Variants in FSCN2 observed in about 807,000 individuals in gnomAD.
FSCN2 encodes the protein fascin-2.
A neutral mutation model predicts 37.8 loss-of-function variants in FSCN2; 46 were observed. That is an observed-to-expected ratio of 1.22 (90% CI 0.96 to 1.56). The LOEUF (loss-of-function observed/expected upper bound fraction) is 1.56. FSCN2 is among the 40% of genes most tolerant of loss of function. FSCN2 has a pLI of 0.00. For missense variants in FSCN2, 844 were observed against 730.4 expected (o/e 1.16, Z -1.79); for synonymous variants, 351 against 309.4 (o/e 1.13, Z -1.41).
intron 1 of FSCN2, chr17:81,529,561 AG>A (rs782392332): frequency 4.0e-6 from 3 of 758,332 alleles, no homozygotes; most frequent in East Asian, 2.5e-5. Context: ...ACCCCCACTG[AG>A]GGGTGGTGGC....
At chr17:81,534,626 G>T (rs2032791351) in intron 1 of FSCN2, among the ~76,000 whole-genome samples, 2 of 151,912 alleles carry the variant, frequency 1.3e-5, no homozygotes, top group South Asian at 4.2e-4. Flanking sequence ...GGAGCCCAGG[G>T]GTGCCCCATC....
At chr17:81,529,544 C>A in intron 1 of FSCN2, 187 bp downstream of exon 1, 1 of 762,216 alleles carries the variant, frequency 1.3e-6, no homozygotes, top group Non-Finnish European at 2.4e-6. Context: ...CGGGCCATGC[C>A]CAGGCGACCC....
In FSCN2 at chr17:81,532,535, AGTGATGGTGGTGATG is replaced by A. The variant is rs1424919372; in HGVS notation, c.827-2486_827-2472del. ...TGGTGACGATGGTGATGATGATGAT[AGTGATGGTGGTGATG>A]GTGATGGTGGTGATGGTGATGGTGG... On this transcript the variant is annotated intron_variant, in intron 1 of 4. Coordinates refer to ENST00000417245, the MANE Select transcript of FSCN2 (RefSeq NM_012418.4). 8.3e-3 allele frequency among the ~76,000 whole-genome samples: 295 copies of A among 35,648 alleles called. 2 individuals carry two copies. The highest frequency in any genetic ancestry group is 0.027 in the African/African-American group (251 of 9,348). The allele number at this position is 35,648 out of a possible 152,430, so 23.4% of individuals were successfully genotyped here.
chr17:81,529,075 C>T lies in FSCN2; in HGVS notation c.544C>T (p.Arg182Ter), dbSNP rs782341260. ...DALLTLIFRSRRYCLKSCDSR... is the reference protein window; with the variant it reads ...DALLTLIFRS ...CCTCCTCACCCTCATCTTCCGGAGC[C>T]GACGGTACTGCCTCAAGTCCTGTGA... Residue 182 changes from arginine to a stop codon, truncating the protein, a stop_gained, in exon 1 of 5, where the codon CGA becomes TGA. Transcript: ENST00000417245. LOFTEE classifies it high-confidence loss of function. The T allele has an allele frequency of 5.3e-5, 85 of 1,590,470 alleles. No homozygotes were observed. The highest frequency in any genetic ancestry group is 3.3e-4 in the Admixed American group (19 of 57,130).
chr17:81,532,449 G>GTGATGATGA (rs769825201), intron 1 of FSCN2, among the ~76,000 whole-genome samples: 1 of 66,856 alleles, frequency 1.5e-5, no homozygotes, highest in African/African-American at 5.0e-5. Flanking sequence ...GATGATGATG[G>GTGATGATGA]TGATGGTGGT....
chr17:81,536,005 G>C (rs1271589376), intron 2 of FSCN2, 141 bp from the exon 3 acceptor site: 2 of 1,034,774 alleles, frequency 1.9e-6, no homozygotes, highest in Non-Finnish European at 2.8e-6. Context: ...CACTGGGGCA[G>C]GGTAGCGCCT....
chr17:81,531,243 A>ATGG (rs1555671221), intron 1 of FSCN2, among the ~76,000 whole-genome samples: 2,600 of 66,106 alleles, frequency 0.039, 463 homozygotes, highest in African/African-American at 0.14. Context: ...GATGGTGGTG[A>ATGG]TGATGGTGAT....
chr17:81,529,404 C>T, intron 1 of FSCN2, 47 bp downstream of exon 1: 2 of 1,407,572 alleles, frequency 1.4e-6, no homozygotes, highest in East Asian at 2.4e-5. Flanking sequence ...CTGGGACCCC[C>T]CTGCTTCAGG....
At chr17:81,526,521 C>A (rs2032357315), upstream of FSCN2, among the ~76,000 whole-genome samples, 1 of 152,170 alleles carries the variant, frequency 6.6e-6, no homozygotes, top group Non-Finnish European at 1.5e-5. Flanking sequence ...ATCCCAGCTA[C>A]TTGGGAGGCT....
At chr17:81,526,603 G>A (rs1598566297), upstream of FSCN2, among the ~76,000 whole-genome samples, 1 of 152,366 alleles carries the variant, frequency 6.6e-6, no homozygotes, top group East Asian at 1.9e-4. Context: ...CAGTTTGGGT[G>A]AGGAGCGAGA....
chr17:81,524,334 A>G (rs1261078760), upstream of FSCN2, among the ~76,000 whole-genome samples: 1 of 152,024 alleles, frequency 6.6e-6, no homozygotes, highest in Non-Finnish European at 1.5e-5. Context: ...TGCTCCCTGG[A>G]CCAGGGGGCT....
At chr17:81,536,426 G>T in intron 3 of FSCN2, 159 bp downstream of exon 3, 1 of 1,456,714 alleles carries the variant, frequency 6.9e-7, no homozygotes, top group South Asian at 1.3e-5. Context: ...AACTCGTCTT[G>T]GCAAGGGAAA....
At chr17:81,517,404 G>T in the FSCN2 span, among the ~76,000 whole-genome samples, 1 of 152,208 alleles carries the variant, frequency 6.6e-6, no homozygotes, top group South Asian at 2.1e-4. Context: ...CCCATCAGGG[G>T]CTCTGAGGCT....
chr17:81,532,596 G>A (rs1286420640), intron 1 of FSCN2, among the ~76,000 whole-genome samples: 12 of 145,212 alleles, frequency 8.3e-5, no homozygotes, highest in African/African-American at 3.2e-4. Context: ...GATGGTGATG[G>A]TGATGATGGT....
rs782561252 is a variant in FSCN2, at chr17:81,528,899, C to T, written c.368C>T (p.Thr123Ile). 77 of 1,582,908 alleles carry T rather than the reference C, an allele frequency of 4.9e-5. No individual in the cohort carries two copies. The highest frequency in any genetic ancestry group is 9.4e-5 in the African/African-American group (7 of 74,344). Residue 123 changes from threonine to isoleucine, a missense_variant, in exon 1 of 5, where the codon ACA becomes ATA. Coordinates refer to ENST00000417245, the MANE Select transcript of FSCN2 (RefSeq NM_012418.4). Reference protein sequence around the residue: ...GTEDQLSCFATAVSPAELWTV... With the variant: ...GTEDQLSCFAIAVSPAELWTV... ...GAGGACCAGCTGTCCTGCTTCGCCA[C>T]AGCCGTTTCCCCGGCCGAGCTGTGG... is the stretch of plus-strand genomic sequence containing the variant.
At chr17:81,526,934 G>C (rs575936098), upstream of FSCN2, 1 of 152,404 alleles carries the variant, frequency 6.6e-6, no homozygotes, top group Non-Finnish European at 1.5e-5. Context: ...AGGCCCTGGC[G>C]TCGTGGCGTA....
intron 1 of FSCN2, chr17:81,530,523 G>A (rs1337684346): frequency 8.8e-6 from 4 of 455,634 alleles, no homozygotes; most frequent in African/African-American, 6.1e-5. Flanking sequence ...CTCGGAGGTG[G>A]TCTGAAAAGG....
In FSCN2 at chr17:81,536,950, T is replaced by C. The variant is rs2032905684; in HGVS notation, c.1349T>C (p.Val450Ala). 1 of 1,563,942 alleles carries C rather than the reference T, an allele frequency of 6.4e-7. No homozygotes were observed. Among genetic ancestry groups the C allele is most frequent in the Non-Finnish European group, 8.6e-7 (1 of 1,163,030 alleles). The change falls in exon 5 of 5, where the codon GTC becomes GCC. Residue 450 changes from valine (V) to alanine (A), a missense_variant. Coordinates refer to ENST00000417245, the MANE Select transcript of FSCN2 (RefSeq NM_012418.4). ...GACGGCGAACGCGCCGAGGACTTCG[T>C]CTTCGAGTTCCGTGAGCGCGGCCGC... ...CSDGERAEDF[V>A]FEFRERGRLA... is the part of the protein sequence containing the mutation.
At chr17:81,515,990 G>C in the FSCN2 span, among the ~76,000 whole-genome samples, 1 of 152,240 alleles carries the variant, frequency 6.6e-6, no homozygotes, top group South Asian at 2.1e-4. Context: ...GACTACAGGC[G>C]TGCACCACCA....
Sources: gnomAD v4.1 joint callset for allele counts (sites outside exome capture counted in the v4.1 genomes callset) on GRCh38, gnomAD v4.1.1 for gene constraint, MANE v1.5 for transcripts, NCBI Gene and HGNC (gene_info 2026-07-23, HGNC 2026-07-21) for gene names.